Variants in EYS observed in about 807,000 individuals in gnomAD.
EYS encodes protein eyes shut homolog.
In EYS, 250 loss-of-function variants were observed where a neutral mutation model predicts 282.1. The observed-to-expected ratio is 0.89, with a 90% CI of 0.80 to 0.98. The LOEUF is 0.98. EYS is among the 50% of genes least tolerant of loss of function. The probability of loss-of-function intolerance (pLI) is 0.00; values close to 1 mark genes in which losing one functional copy is unlikely to be tolerated. For missense variants in EYS, 4,016 were observed against 3,709.0 expected, an observed-to-expected ratio of 1.08 and a Z score of -2.15; for synonymous variants, 1,355 against 1,282.9, an observed-to-expected ratio of 1.06 and a Z score of -1.20.
At chr6:64,756,452 T>A (rs2149974412) in intron 22 of EYS, among the ~76,000 whole-genome samples, 1 of 152,308 alleles carries the variant, frequency 6.6e-6, no homozygotes, top group South Asian at 2.1e-4. Context: ...CAAGCCATAA[T>A]GCCTTATAGC....
chr6:64,989,365 C>A (rs1770970185), intron 14 of EYS, among the ~76,000 whole-genome samples: 1 of 107,448 alleles, frequency 9.3e-6, no homozygotes, highest in Non-Finnish European at 1.8e-5. Flanking sequence ...CATCAATTTA[C>A]AGGAAGAGGC....
intron 31 of EYS, among the ~76,000 whole-genome samples, chr6:64,099,173 G>C (rs1449661200): frequency 6.6e-6 from 1 of 152,070 alleles, no homozygotes; most frequent in Admixed American, 6.6e-5. Flanking sequence ...TACAGTCATA[G>C]TAATTCATAT....
At chr6:65,365,934 T>C (rs1201743105) in intron 8 of EYS, among the ~76,000 whole-genome samples, 1 of 151,792 alleles carries the variant, frequency 6.6e-6, no homozygotes, top group East Asian at 1.9e-4. Flanking sequence ...GAGTACAAGG[T>C]GAAAACATGA....
chr6:65,482,830 T>C (rs1359567905), intron 5 of EYS, among the ~76,000 whole-genome samples: 1 of 152,168 alleles, frequency 6.6e-6, no homozygotes, highest in Non-Finnish European at 1.5e-5. Flanking sequence ...AAATAAACTT[T>C]CCTATCTTGA....
intron 12 of EYS, among the ~76,000 whole-genome samples, chr6:65,110,841 T>A (rs6935872): frequency 0.26 from 39,502 of 151,912 alleles, 6,277 homozygotes; most frequent in African/African-American, 0.44. Flanking sequence ...ATTAAATCAA[T>A]TAATGCCATG....
At chr6:65,340,744 T>G (rs1770168324) in intron 10 of EYS, among the ~76,000 whole-genome samples, 1 of 151,296 alleles carries the variant, frequency 6.6e-6, no homozygotes, top group South Asian at 2.1e-4. Flanking sequence ...ACTAAGGTGT[T>G]GTTTTCCCTT....
chr6:64,852,119 T>C (rs1250222709), intron 19 of EYS, among the ~76,000 whole-genome samples: 2 of 150,600 alleles, frequency 1.3e-5, no homozygotes, highest in Non-Finnish European at 3.0e-5. Context: ...GAGCCTGTGA[T>C]TGTTCATTTC....
At chr6:64,643,329 A>C (rs1030644992) in intron 22 of EYS, among the ~76,000 whole-genome samples, 2 of 152,202 alleles carry the variant, frequency 1.3e-5, no homozygotes, top group Non-Finnish European at 1.5e-5. Context: ...ATTTTACACC[A>C]ACCCAATACT....
intron 5 of EYS, among the ~76,000 whole-genome samples, chr6:65,485,666 G>T (rs1417860788): frequency 6.6e-6 from 1 of 152,172 alleles, no homozygotes; most frequent in Non-Finnish European, 1.5e-5. Flanking sequence ...TTAGCCGGCT[G>T]TGGTGGCATG....
At chr6:64,934,172 C>T (rs892754839) in intron 15 of EYS, among the ~76,000 whole-genome samples, 3 of 150,486 alleles carry the variant, frequency 2.0e-5, no homozygotes, top group Non-Finnish European at 4.4e-5. Context: ...AAAATAATTA[C>T]TAACTGAGCA....
intron 2 of EYS, among the ~76,000 whole-genome samples, chr6:65,581,807 G>A (rs1764881322): frequency 6.6e-6 from 1 of 151,886 alleles, no homozygotes; most frequent in Non-Finnish European, 1.5e-5. Context: ...TAGTAGCAAG[G>A]TAAATCCATT....
chr6:63,873,521 A>G (rs999371761), intron 35 of EYS, among the ~76,000 whole-genome samples: 1 of 152,182 alleles, frequency 6.6e-6, no homozygotes, highest in Non-Finnish European at 1.5e-5. Context: ...TATGCCCAGT[A>G]ATGGGATCGT....
At chr6:65,330,132 A>C (rs1769742634) in intron 11 of EYS, 13 of 981,930 alleles carry the variant, frequency 1.3e-5, no homozygotes, top group Non-Finnish European at 1.6e-5. Context: ...TTTCTAAATG[A>C]AACAGAAGAA....
At chr6:65,284,490 A>G (rs1389513713) in intron 12 of EYS, among the ~76,000 whole-genome samples, 2 of 152,090 alleles carry the variant, frequency 1.3e-5, no homozygotes, top group Non-Finnish European at 2.9e-5. Flanking sequence ...TGAAAAGTTA[A>G]TATCTATTAT....
At chr6:63,966,317 G>C (rs1183027845) in intron 35 of EYS, among the ~76,000 whole-genome samples, 2 of 152,172 alleles carry the variant, frequency 1.3e-5, no homozygotes, top group African/African-American at 4.8e-5. Flanking sequence ...TAAGCTATGA[G>C]GATGCAAAGG....
chr6:63,726,520 T>C lies in EYS; in HGVS notation c.8232A>G (p.Ser2744=). 6.5e-7 allele frequency: 1 copy of C among 1,548,506 alleles called. No individual in the cohort carries two copies. The highest frequency in any genetic ancestry group is 8.7e-7 in the Non-Finnish European group (1 of 1,145,550). ...AAACAAACAGCCTGCCAATCTTACC[T>C]GATTGGGCTTTTAAGTGTTGTGCAG... is the stretch of plus-strand genomic sequence containing the variant. ...FYAAQHLKAQ[S]GDFLCISLVN... Residue 2744 remains serine (S), a splice_region_variant and synonymous_variant, in exon 42 of 43, where the codon TCA becomes TCG. Transcript: ENST00000503581.
At chr6:63,818,357 A>G (rs1348694336) in intron 36 of EYS, among the ~76,000 whole-genome samples, 1 of 152,224 alleles carries the variant, frequency 6.6e-6, no homozygotes, top group Non-Finnish European at 1.5e-5. Flanking sequence ...CATAGTTAAG[A>G]ATACATTAAG....
rs190067031 is a variant in EYS, at chr6:64,690,668, T to C, written c.3444-64423A>G. 5.9e-5 allele frequency among the ~76,000 whole-genome samples: 9 copies of C among 152,332 alleles called. 1 individual carries two copies. The highest frequency in any genetic ancestry group is 1.2e-4 in the Non-Finnish European group (8 of 68,028). On this transcript the variant is annotated intron_variant, in intron 22 of 42. Coordinates refer to ENST00000503581, the MANE Select transcript of EYS (RefSeq NM_001142800.2). Reference sequence around the variant, plus strand: ...TGCAGCCATAAAAAGGATGAGTTTATGTCCTTTGTAGGGACATGGATGTAG... The same window carrying C: ...TGCAGCCATAAAAAGGATGAGTTTACGTCCTTTGTAGGGACATGGATGTAG...
At chr6:65,278,786 A>G (rs1768135712) in intron 12 of EYS, among the ~76,000 whole-genome samples, 1 of 152,170 alleles carries the variant, frequency 6.6e-6, no homozygotes, top group African/African-American at 2.4e-5. Flanking sequence ...TACTACATTT[A>G]CTACCACTCA....
Sources: allele counts gnomAD v4.1 joint callset (sites outside exome capture counted in the v4.1 genomes callset), GRCh38; gene constraint gnomAD v4.1.1; transcripts MANE v1.5; gene names NCBI Gene and HGNC (gene_info 2026-07-23, HGNC 2026-07-21).